Variants in LYVE1 observed in about 807,000 individuals in gnomAD.
The protein encoded by LYVE1 is lymphatic vessel endothelial hyaluronan receptor 1, also known as lymphatic vessel endothelial hyaluronic acid receptor 1.
LYVE1 carries 29 observed loss-of-function variants against 31.5 expected under a neutral mutation model. That is an observed-to-expected ratio of 0.92 (90% CI 0.69 to 1.26). The LOEUF (loss-of-function observed/expected upper bound fraction) is 1.26, where lower values mean the gene tolerates loss of function less well. Among genes scored for constraint, LYVE1 ranks in the 50% most tolerant of loss-of-function variants. LYVE1 has a pLI of 0.00. For missense variants in LYVE1, 376 were observed against 380.2 expected (o/e 0.99, Z 0.09); for synonymous variants, 134 against 139.4 (o/e 0.96, Z 0.27).
At position 10,568,561 on chromosome 11, in the gene LYVE1, C is replaced by T; in HGVS notation, c.-29G>A. 6.2e-7 allele frequency: 1 copy of T among 1,608,276 alleles called. No homozygotes were observed. Among genetic ancestry groups the T allele is most frequent in the Non-Finnish European group, 8.5e-7 (1 of 1,177,126 alleles). ...GCCTACCCCTTCAGAGCCAGGGAAA[C>T]ACCTCAGATGGCCACTGGTGATATG... On this transcript the variant is annotated 5_prime_UTR_variant, in exon 1 of 6. Transcript: ENST00000256178.
chr11:10,559,851 A>T lies in LYVE1; in HGVS notation c.747T>A (p.Gly249=). Residue 249 remains glycine, a synonymous_variant, in exon 5 of 6, where the codon GGT becomes GGA. Coordinates refer to ENST00000256178, the MANE Select transcript of LYVE1 (RefSeq NM_006691.4). ...ALLVLALLFF[G]AAAGLGFCYV... ...AGCAAAATCCAAGACCAGCTGCAGCACCAAAGAAGAGGAGAGCAAGCACTA... is the reference window on the plus strand; with the variant it reads ...AGCAAAATCCAAGACCAGCTGCAGCTCCAAAGAAGAGGAGAGCAAGCACTA... The T allele has an allele frequency of 6.2e-7, 1 of 1,614,010 alleles. No individual in the cohort carries two copies. The highest frequency in any genetic ancestry group is 8.5e-7 in the Non-Finnish European group (1 of 1,179,892).
rs1850345801 is a variant in LYVE1, at chr11:10,557,963, T to C, written c.*1148A>G. The C allele has an allele frequency of 6.6e-6, 1 of 152,260 alleles. No homozygotes were observed. Among genetic ancestry groups the C allele is most frequent in the Non-Finnish European group, 1.5e-5 (1 of 68,048 alleles). 9.4% of individuals were successfully genotyped at this position (152,260 alleles called of 1,614,324 possible). On this transcript the variant is annotated 3_prime_UTR_variant, in exon 6 of 6. Transcript: ENST00000256178. Reference sequence around the variant, plus strand: ...GGAGGGCTAGTGATACATTTGTTAATGGCACTTTTAAAATGTGCTTTGGTA... The same window carrying C: ...GGAGGGCTAGTGATACATTTGTTAACGGCACTTTTAAAATGTGCTTTGGTA...
At chr11:10,564,639 T>C (rs879720418) in intron 1 of LYVE1, among the ~76,000 whole-genome samples, 1 of 152,164 alleles carries the variant, frequency 6.6e-6, no homozygotes, top group African/African-American at 2.4e-5. Flanking sequence ...TTGCTCACCA[T>C]ATAGGGGCTT....
Position 10,568,552 on chromosome 11 carries a change from C to T in LYVE1, c.-20G>A, listed in dbSNP as rs977124137. On this transcript the variant is annotated 5_prime_UTR_variant, in exon 1 of 6. Transcript: ENST00000256178. ...GGCCATCGTGCCTACCCCTTCAGAG[C>T]CAGGGAAACACCTCAGATGGCCACT... 2 of 1,609,736 alleles carry T rather than the reference C, an allele frequency of 1.2e-6. No homozygotes were observed. Among genetic ancestry groups the T allele is most frequent in the Non-Finnish European group, 1.7e-6 (2 of 1,177,876 alleles).
At position 10,558,399 on chromosome 11, in the gene LYVE1, T is replaced by C. The variant is rs1591511702; in HGVS notation, c.*712A>G. ...TTCCTAGAGAAAATATCAGCAGTGG[T>C]AGAGACCAGAAAAAGTAAGTGTGTG... On this transcript the variant is annotated 3_prime_UTR_variant, in exon 6 of 6. Transcript: ENST00000256178. 6.6e-6 allele frequency: 1 copy of C among 152,332 alleles called. No individual in the cohort carries two copies. The highest frequency in any genetic ancestry group is 3.4e-3 in the Middle Eastern group (1 of 294). 9.4% of individuals were successfully genotyped at this position (152,332 alleles called of 1,614,324 possible). A position where few individuals can be genotyped will look rare whatever the true frequency, so the allele number is the denominator to read the frequency against.
Position 10,558,193 on chromosome 11 carries a change from A to C in LYVE1, c.*918T>G, listed in dbSNP as rs1273640234. Reference sequence around the variant, plus strand: ...GCAATTTTTTGAGGAATAATATTCAATTACAGAGTGTAATACCTTGCACAG... The same window carrying C: ...GCAATTTTTTGAGGAATAATATTCACTTACAGAGTGTAATACCTTGCACAG... On this transcript the variant is annotated 3_prime_UTR_variant, in exon 6 of 6. Transcript: ENST00000256178. 1 of 152,244 alleles carries C rather than the reference A, an allele frequency of 6.6e-6. No individual in the cohort carries two copies. The allele number at this position is 152,244 out of a possible 1,614,324, so 9.4% of individuals were successfully genotyped here. A position where few individuals can be genotyped will look rare whatever the true frequency, so the allele number is the denominator to read the frequency against.
rs1850334575 is a variant in LYVE1 at position 10,557,229 on chromosome 11, G to GA, written c.*1881dup. ...AACAGAGAGTCATGAGGACTGTGGT[G>GA]AAACAAAAAGAGCAGACCCCATTGA... is the stretch of plus-strand genomic sequence containing the variant. On this transcript the variant is annotated 3_prime_UTR_variant, in exon 6 of 6. Coordinates refer to ENST00000256178, the MANE Select transcript of LYVE1 (RefSeq NM_006691.4). 1 of 152,118 alleles carries GA rather than the reference G, an allele frequency of 6.6e-6. No homozygotes were observed. The highest frequency in any genetic ancestry group is 1.5e-5 in the Non-Finnish European group (1 of 68,024). 9.4% of individuals were successfully genotyped at this position (152,118 alleles called of 1,614,324 possible).
At position 10,558,124 on chromosome 11, in the gene LYVE1, T is replaced by G. The variant is rs1048373049; in HGVS notation, c.*987A>C. 1 of 152,168 alleles carries G rather than the reference T, an allele frequency of 6.6e-6. No individual in the cohort carries two copies. Among genetic ancestry groups the G allele is most frequent in the African/African-American group, 2.4e-5 (1 of 41,448 alleles). The allele number at this position is 152,168 out of a possible 1,614,324, so 9.4% of individuals were successfully genotyped here. On this transcript the variant is annotated 3_prime_UTR_variant, in exon 6 of 6. Coordinates refer to ENST00000256178, the MANE Select transcript of LYVE1 (RefSeq NM_006691.4). ...TTTGGAAGTAGATAAGCTAGAAATATCAAAACTGAAAAAAATAGCTTCCCA... is the reference window on the plus strand; with the variant it reads ...TTTGGAAGTAGATAAGCTAGAAATAGCAAAACTGAAAAAAATAGCTTCCCA...
At position 10,568,522 on chromosome 11, in the gene LYVE1, C is replaced by A; in HGVS notation, c.11G>T (p.Cys4Phe). The change falls in exon 1 of 6, where the codon TGC becomes TTC. Residue 4 changes from cysteine (C) to phenylalanine (F), a missense_variant. By Grantham distance (205) the Cys-to-Phe change is radical (BLOSUM62 -2). Coordinates refer to ENST00000256178, the MANE Select transcript of LYVE1 (RefSeq NM_006691.4). MAR[C>F]FSLVLLLTSI... ...AGTGAGAAGCAACACCAGGCTGAAG[C>A]ACCTGGCCATCGTGCCTACCCCTTC... 1.2e-6 allele frequency: 2 copies of A among 1,613,958 alleles called. No homozygotes were observed. Among genetic ancestry groups the A allele is most frequent in the Non-Finnish European group, 1.7e-6 (2 of 1,179,910 alleles).
intron 5 of LYVE1, 95 bp from the exon 6 acceptor site, chr11:10,559,392 G>C: frequency 1.2e-6 from 1 of 852,674 alleles, no homozygotes. Flanking sequence ...CAGTACACTG[G>C]ATACCTTTAT....
chr11:10,559,314 GAA>G lies in LYVE1; in HGVS notation c.783-19_783-18del. 6.2e-7 allele frequency: 1 copy of G among 1,604,030 alleles called. No homozygotes were observed. The highest frequency in any genetic ancestry group is 2.2e-5 in the East Asian group (1 of 44,818). On this transcript the variant is annotated intron_variant, in intron 5 of 5. Transcript: ENST00000256178. ...TTCACATACCTTTAGGCAGAAACAT[GAA>G]ATTAAAGTGAGAGACTCTCACACAT...
chr11:10,564,555 T>C (rs116138106), intron 1 of LYVE1, among the ~76,000 whole-genome samples, 181 bp from the exon 2 acceptor site: 3,246 of 152,292 alleles, frequency 0.021, 101 homozygotes, highest in African/African-American at 0.074. Flanking sequence ...CTGGGCTAGA[T>C]GGATGCTTGT....
In LYVE1 at chr11:10,564,299, A is replaced by G; in HGVS notation, c.161T>C (p.Phe54Ser). 6.2e-7 allele frequency: 1 copy of G among 1,614,210 alleles called. No homozygotes were observed. The highest frequency in any genetic ancestry group is 8.5e-7 in the Non-Finnish European group (1 of 1,180,028). Residue 54 changes from phenylalanine (F) to serine (S), a missense_variant, in exon 2 of 6, where the codon TTC (phenylalanine) becomes TCC (serine). Physicochemically the swap from Phe to Ser is radical, Grantham distance 155. Transcript: ENST00000256178. ...CCTACAGGCCTCCTTAGCTTCTGTG[A>G]AATTCAGCTGCTGGTTCGCCTTTTT... The part of the protein sequence containing the change: ...VSKKANQQLN[F>S]TEAKEACRLL...
intron 1 of LYVE1, 113 bp from the exon 2 acceptor site, chr11:10,564,487 G>T: frequency 1.1e-6 from 1 of 939,660 alleles, no homozygotes; most frequent in East Asian, 2.5e-5. Flanking sequence ...CTATCTGGCT[G>T]GGACTGGGGT....
chr11:10,564,041 C>G lies in LYVE1; in HGVS notation c.296G>C (p.Arg99Thr). The stretch of plus-strand genomic sequence containing the variant: ...CCCACACTTGGGGTTTGGGCTAATC[C>G]TAGAGATGACCACGAATCCATCTCC... ...WVGDGFVVIS[R>T]ISPNPKCGKN... Residue 99 changes from arginine to threonine, a missense_variant, in exon 3 of 6, where the codon AGG becomes ACG. Physicochemically the swap from Arg to Thr is moderately conservative, Grantham distance 71. Transcript: ENST00000256178. 1.2e-6 allele frequency: 2 copies of G among 1,614,196 alleles called. No homozygotes were observed. The highest frequency in any genetic ancestry group is 1.7e-6 in the Non-Finnish European group (2 of 1,180,040).
rs747159461 is a variant in LYVE1, at chr11:10,558,236, C to T, written c.*875G>A. On this transcript the variant is annotated 3_prime_UTR_variant, in exon 6 of 6. Transcript: ENST00000256178. ...TTGCACAGCACTTGACATATAGTAG[C>T]TATTCAGCAAATGTTTGTTGAATTT... The T allele has an allele frequency of 1.3e-5, 2 of 152,192 alleles. No homozygotes were observed. The highest frequency in any genetic ancestry group is 2.9e-5 in the Non-Finnish European group (2 of 68,036). The allele number at this position is 152,192 out of a possible 1,614,324, so 9.4% of individuals were successfully genotyped here.
At chr11:10,562,511 A>C (rs1277525842) in intron 3 of LYVE1, among the ~76,000 whole-genome samples, 1 of 152,176 alleles carries the variant, frequency 6.6e-6, no homozygotes, top group Admixed American at 6.5e-5. Flanking sequence ...GTGCACATTT[A>C]TCTCTCGGAT....
At chr11:10,564,490 A>G (rs1198843044) in intron 1 of LYVE1, 116 bp from the exon 2 acceptor site, 2 of 910,132 alleles carry the variant, frequency 2.2e-6, no homozygotes, top group East Asian at 2.6e-5. Context: ...TCTGGCTGGG[A>G]CTGGGGTTTA....
chr11:10,562,740 G>A (rs1239579809), intron 3 of LYVE1, among the ~76,000 whole-genome samples: 1 of 152,106 alleles, frequency 6.6e-6, no homozygotes, highest in Admixed American at 6.6e-5. Context: ...CAAGGTTAGT[G>A]GGTGACTTCA....
Sources: allele counts gnomAD v4.1 joint callset (sites outside exome capture counted in the v4.1 genomes callset), GRCh38; gene constraint gnomAD v4.1.1; transcripts MANE v1.5; gene names NCBI Gene and HGNC (gene_info 2026-07-23, HGNC 2026-07-21).